The following ANK3 variants were observed in gnomAD, a reference collection of about 807,000 sequenced individuals.
ANK3 encodes ankyrin-3.
A neutral mutation model predicts 370.9 loss-of-function variants in ANK3; 57 were observed. That is an observed-to-expected ratio of 0.15 (90% CI 0.12 to 0.19). The LOEUF (loss-of-function observed/expected upper bound fraction) is 0.19, where lower values mean the gene tolerates loss of function less well. ANK3 is among the 10% of genes least tolerant of loss of function. The pLI is 1.00. For synonymous variants in ANK3, 1,929 were observed against 1,946.3 expected (o/e 0.99, Z 0.23); for missense variants, 4,439 against 5,302.1 (o/e 0.84, Z 5.06).
chr10:60,482,103 G>A (rs565163564), intron 2 of ANK3, among the ~76,000 whole-genome samples: 1 of 152,230 alleles, frequency 6.6e-6, no homozygotes, highest in South Asian at 2.1e-4. Context: ...CCTTGATTAT[G>A]AAAAGTAATG....
rs1567004094 is a variant in ANK3 at position 60,395,550 on chromosome 10, C to CTCTTTCTTTCTTTCTTTCTTTCTTTTCTT, written c.97-115912_97-115911insAAGAAAAGAAAGAAAGAAAGAAAGAAAGA. Among the ~76,000 whole-genome samples the CTCTTTCTTTCTTTCTTTCTTTCTTTTCTT allele has an allele frequency of 1.0e-3, 113 of 108,362 alleles. 3 individuals carry two copies. The highest frequency in any genetic ancestry group is 3.8e-3 in the South Asian group (11 of 2,894). The allele number at this position is 108,362 out of a possible 152,430, so 71.1% of individuals were successfully genotyped here. On this transcript the variant is annotated intron_variant, in intron 2 of 43. Coordinates refer to the ANK3 transcript ENST00000373827. The stretch of plus-strand genomic sequence containing the variant: ...AACACTTAGCAATCAACTACTATGC[C>CTCTTTCTTTCTTTCTTTCTTTCTTTTCTT]TCTTTCTTTCTTTCTTTCTTTCTTT...
Position 60,492,038 on chromosome 10 carries a change from T to C in ANK3, c.96+123148A>G, listed in dbSNP as rs552856171. 5.3e-5 allele frequency among the ~76,000 whole-genome samples: 8 copies of C among 152,296 alleles called. No individual in the cohort carries two copies. In the South Asian group the frequency reaches 1.7e-3, roughly 32 times the overall value. On this transcript the variant is annotated intron_variant, in intron 2 of 43. Coordinates refer to the ANK3 transcript ENST00000373827. ...TTATAATGGAACTGAAGATTTTCCA[T>C]TGCACTAATACCTACCATTGTGTTA...
intron 1 of ANK3, among the ~76,000 whole-genome samples, chr10:60,327,349 G>A (rs1280218556): frequency 6.6e-6 from 1 of 152,192 alleles, no homozygotes; most frequent in African/African-American, 2.4e-5. Context: ...GGTTAAGATA[G>A]CAAGCTGTTT....
intron 2 of ANK3, among the ~76,000 whole-genome samples, chr10:60,428,832 G>C (rs1175750125): frequency 6.6e-6 from 1 of 152,150 alleles, no homozygotes; most frequent in African/African-American, 2.4e-5. Flanking sequence ...GAGAAATGCT[G>C]GCAGAAAGGT....
At chr10:60,358,316 A>G (rs891890110) in intron 1 of ANK3, among the ~76,000 whole-genome samples, 2 of 152,188 alleles carry the variant, frequency 1.3e-5, no homozygotes, top group Non-Finnish European at 2.9e-5. Context: ...TAGATAGGGC[A>G]TGCAATCATA....
intron 2 of ANK3, among the ~76,000 whole-genome samples, chr10:60,468,279 C>T (rs563218184): frequency 7.9e-5 from 12 of 152,102 alleles, no homozygotes; most frequent in Admixed American, 3.9e-4. Flanking sequence ...CCACCGTGCC[C>T]GGCCTAAAAA....
At chr10:60,135,108 A>G (rs116290220) in intron 24 of ANK3, among the ~76,000 whole-genome samples, 76 of 152,270 alleles carry the variant, frequency 5.0e-4, no homozygotes, top group African/African-American at 1.8e-3. Context: ...AGTGACCTCT[A>G]AACTAAAACT....
At chr10:60,189,138 TCTTA>T (rs1385832126) in intron 16 of ANK3, among the ~76,000 whole-genome samples, 1 of 152,178 alleles carries the variant, frequency 6.6e-6, no homozygotes, top group Non-Finnish European at 1.5e-5. Flanking sequence ...CACATGAAAA[TCTTA>T]CTTACTTCTA....
chr10:60,554,840 A>G (rs2077172100), intron 2 of ANK3, among the ~76,000 whole-genome samples: 1 of 152,222 alleles, frequency 6.6e-6, no homozygotes, highest in Non-Finnish European at 1.5e-5. Context: ...ACTATACAAA[A>G]GTTACATTAC....
At chr10:60,208,279 C>T (rs747915094) in intron 9 of ANK3, 46 bp from the exon 10 acceptor site, 1 of 1,546,120 alleles carries the variant, frequency 6.5e-7, no homozygotes, top group East Asian at 2.3e-5. Flanking sequence ...ACCTTTTAAA[C>T]ACAAATGTGC....
At chr10:60,392,173 T>C (rs2063125341), upstream of ANK3, among the ~76,000 whole-genome samples, 1 of 152,186 alleles carries the variant, frequency 6.6e-6, no homozygotes, top group Non-Finnish European at 1.5e-5. Flanking sequence ...ACAAAGGCAT[T>C]GACTCAAGAT....
intron 8 of ANK3, among the ~76,000 whole-genome samples, chr10:60,221,031 C>G (rs771812490): frequency 7.2e-5 from 11 of 151,834 alleles, no homozygotes; most frequent in African/African-American, 2.4e-4. Flanking sequence ...ACTCCTTAAT[C>G]CTTTGAGGTA....
chr10:60,279,712 G>T, intron 1 of ANK3, 73 bp from the exon 2 acceptor site: 3 of 1,103,104 alleles, frequency 2.7e-6, no homozygotes, highest in Non-Finnish European at 4.0e-6. Context: ...TCCAGCTTAA[G>T]GTCCAAACTA....
At chr10:60,269,282 T>C (rs1464190641) in intron 5 of ANK3, among the ~76,000 whole-genome samples, 1 of 152,230 alleles carries the variant, frequency 6.6e-6, no homozygotes, top group Non-Finnish European at 1.5e-5. Flanking sequence ...TATTTTTAAA[T>C]AATTATTCTA....
chr10:60,618,441 C>G (rs147272220), intron 1 of ANK3, among the ~76,000 whole-genome samples: 1 of 152,070 alleles, frequency 6.6e-6, no homozygotes, highest in Admixed American at 6.5e-5. Context: ...TAGGAGACAC[C>G]AGAGACACAG....
At chr10:60,471,268 C>T (rs1470659954) in intron 2 of ANK3, among the ~76,000 whole-genome samples, 5 of 152,094 alleles carry the variant, frequency 3.3e-5, no homozygotes, top group Admixed American at 6.6e-5. Flanking sequence ...CGCATAGTCC[C>T]AGAAAACAAA....
chr10:60,710,815 T>G (rs1267098808), intron 1 of ANK3, among the ~76,000 whole-genome samples: 1 of 152,218 alleles, frequency 6.6e-6, no homozygotes, highest in Non-Finnish European at 1.5e-5. Flanking sequence ...CTGGTGCAGA[T>G]TCCAGTCCAA....
chr10:60,211,631 T>A (rs1268059951), intron 9 of ANK3, among the ~76,000 whole-genome samples: 1 of 152,024 alleles, frequency 6.6e-6, no homozygotes, highest in Non-Finnish European at 1.5e-5. Flanking sequence ...AAAGTATGCA[T>A]AAAGCACAAG....
At chr10:60,537,511 T>C (rs1719586936) in intron 2 of ANK3, among the ~76,000 whole-genome samples, 1 of 151,924 alleles carries the variant, frequency 6.6e-6, no homozygotes, top group Non-Finnish European at 1.5e-5. Flanking sequence ...AAATATCTAC[T>C]AGATATCCCA....
Sources: gnomAD v4.1 joint callset for allele counts (sites outside exome capture counted in the v4.1 genomes callset) on GRCh38, gnomAD v4.1.1 for gene constraint, MANE v1.5 for transcripts, NCBI Gene and HGNC (gene_info 2026-07-23, HGNC 2026-07-21) for gene names.